Variants in TEX11 observed in about 807,000 individuals in gnomAD.
The protein encoded by TEX11 is testis-expressed protein 11.
Under a neutral mutation model 84.4 loss-of-function variants are expected in TEX11, and 7 were observed. That is an observed-to-expected ratio of 0.08 (90% CI 0.05 to 0.16). TEX11 has a LOEUF of 0.16. Among genes scored for constraint, TEX11 ranks in the 10% least tolerant of loss-of-function variants. TEX11 has a pLI of 1.00. For synonymous variants in TEX11, 264 were observed against 222.8 expected, an observed-to-expected ratio of 1.18 and a Z score of -1.64; for missense variants, 551 against 660.5, an observed-to-expected ratio of 0.83 and a Z score of 1.82.
intron 2 of TEX11, chrX:70,897,679 A>AGGAAAAC (rs2091778949): frequency 5.3e-5 from 4 of 75,712 alleles, no homozygotes; most frequent in African/African-American, 2.0e-4. Flanking sequence ...CAAAGAAAGA[A>AGGAAAAC]AAAGAAAGAA....
At chrX:70,513,946 C>G in the TEX11 span, among the ~76,000 whole-genome samples, 1 of 108,897 alleles carries the variant, frequency 9.2e-6, no homozygotes, top group Non-Finnish European at 1.9e-5. Flanking sequence ...AAGAATATAT[C>G]TTGGAAAAGA....
At chrX:70,806,669 T>C (rs755517848) in intron 9 of TEX11, 36 bp downstream of exon 9, 21 of 960,164 alleles carry the variant, frequency 2.2e-5, no homozygotes, top group Non-Finnish European at 3.1e-5. Context: ...TATGATAATA[T>C]TCCCGAGTTT....
chrX:70,643,653 A>C (rs199898286), intron 17 of TEX11, among the ~76,000 whole-genome samples: 2,906 of 48,918 alleles, frequency 0.059, no homozygotes, highest in Non-Finnish European at 0.069. Context: ...CAAACCTGAG[A>C]AAAACAAGCA....
chrX:70,679,624 C>T (rs1254092417), intron 14 of TEX11, among the ~76,000 whole-genome samples: 7 of 94,598 alleles, frequency 7.4e-5, no homozygotes, highest in African/African-American at 1.6e-4. Context: ...CCCCTCCGCC[C>T]GGCAGCCGCG....
At chrX:70,566,668 G>T (rs2088485058) in intron 25 of TEX11, among the ~76,000 whole-genome samples, 1 of 111,267 alleles carries the variant, frequency 9.0e-6, no homozygotes, top group Non-Finnish European at 1.9e-5. Context: ...TAATCATGTG[G>T]TTTTTGTCTT....
chrX:70,612,594 C>T (rs1474088580), intron 20 of TEX11, among the ~76,000 whole-genome samples: 3 of 110,406 alleles, frequency 2.7e-5, no homozygotes, highest in Admixed American at 1.9e-4. Flanking sequence ...AATCTCTGCC[C>T]TTGAGGGTAT....
At chrX:70,679,314 C>T (rs1177091505) in intron 14 of TEX11, among the ~76,000 whole-genome samples, 14 of 110,974 alleles carry the variant, frequency 1.3e-4, no homozygotes, top group African/African-American at 3.9e-4. Flanking sequence ...AGCCGCCTGC[C>T]TTGGCCTCCC....
At chrX:70,704,908 C>T (rs1423028865) in intron 13 of TEX11, among the ~76,000 whole-genome samples, 2 of 111,131 alleles carry the variant, frequency 1.8e-5, no homozygotes, top group Non-Finnish European at 3.8e-5. Flanking sequence ...AGGTTTTCTT[C>T]TAGGGTTTTT....
At chrX:70,733,643 G>A (rs976404588) in intron 11 of TEX11, among the ~76,000 whole-genome samples, 22 of 111,703 alleles carry the variant, frequency 2.0e-4, no homozygotes, top group African/African-American at 6.5e-4. Flanking sequence ...TCATTAAAAA[G>A]TCAGGAAACA....
At chrX:70,702,533 T>C (rs946608209) in intron 13 of TEX11, among the ~76,000 whole-genome samples, 2 of 112,181 alleles carry the variant, frequency 1.8e-5, no homozygotes, top group African/African-American at 6.5e-5. Flanking sequence ...TTTATTGCAG[T>C]GTTCTGGAAC....
chrX:70,733,752 C>T (rs905415309), intron 11 of TEX11, among the ~76,000 whole-genome samples: 4 of 111,638 alleles, frequency 3.6e-5, no homozygotes, highest in Admixed American at 1.9e-4. Flanking sequence ...GTGGCGATTC[C>T]TCAGGGATCT....
chrX:70,610,056 C>T (rs1569355091), intron 21 of TEX11, among the ~76,000 whole-genome samples: 1 of 105,841 alleles, frequency 9.4e-6, no homozygotes, highest in East Asian at 3.0e-4. Flanking sequence ...TTGTCTTGAT[C>T]TTTTTTCACC....
At chrX:70,569,996 C>A (rs113382664) in intron 25 of TEX11, among the ~76,000 whole-genome samples, 3,639 of 112,053 alleles carry the variant, frequency 0.032, 151 homozygotes, top group African/African-American at 0.11. Flanking sequence ...TTGTCTGTGC[C>A]CTGCCCCCAG....
intron 28 of TEX11, among the ~76,000 whole-genome samples, chrX:70,539,880 C>A (rs2088018396): frequency 9.1e-6 from 1 of 110,406 alleles, no homozygotes; most frequent in South Asian, 3.8e-4. Context: ...GACATAGACC[C>A]AAAAAGAAAA....
intron 9 of TEX11, among the ~76,000 whole-genome samples, chrX:70,776,119 T>A (rs755707077): frequency 3.6e-5 from 4 of 109,951 alleles, no homozygotes; most frequent in Non-Finnish European, 5.7e-5. Flanking sequence ...GGTATTTATC[T>A]GAAGGAAAGG....
chrX:70,636,106 G>A (rs868480237), intron 17 of TEX11, among the ~76,000 whole-genome samples: 5 of 110,582 alleles, frequency 4.5e-5, no homozygotes, highest in Non-Finnish European at 9.5e-5. Flanking sequence ...ACCCAGGTCA[G>A]ACCTCACAGA....
At chrX:70,588,025 T>C (rs2088877374) in intron 25 of TEX11, among the ~76,000 whole-genome samples, 1 of 112,377 alleles carries the variant, frequency 8.9e-6, no homozygotes, top group African/African-American at 3.2e-5. Flanking sequence ...TTTCTCCCAT[T>C]TGGAATGGGT....
chrX:70,821,595 TG>T (rs1294077855), intron 8 of TEX11, among the ~76,000 whole-genome samples: 2 of 112,145 alleles, frequency 1.8e-5, no homozygotes, highest in East Asian at 5.6e-4. Context: ...CTGTACAGCC[TG>T]TAGAACCGTG....
At chrX:70,797,426 A>G (rs2091161757) in intron 9 of TEX11, among the ~76,000 whole-genome samples, 1 of 111,395 alleles carries the variant, frequency 9.0e-6, no homozygotes, top group Non-Finnish European at 1.9e-5. Flanking sequence ...CACAGGGCCA[A>G]ATGCCTTCAC....
Sources: gnomAD v4.1 joint callset for allele counts (sites outside exome capture counted in the v4.1 genomes callset) on GRCh38, gnomAD v4.1.1 for gene constraint, MANE v1.5 for transcripts, NCBI Gene and HGNC (gene_info 2026-07-23, HGNC 2026-07-21) for gene names.